Variants in PCDHGB1 observed in about 807,000 individuals in gnomAD.
The protein encoded by PCDHGB1 is protocadherin gamma subfamily B, 1, also known as protocadherin gamma-B1.
In PCDHGB1, 34 loss-of-function variants were observed where a neutral mutation model predicts 56.6. That is an observed-to-expected ratio of 0.60 (90% confidence interval 0.46 to 0.80). The LOEUF (loss-of-function observed/expected upper bound fraction) is 0.80, where lower values mean the gene tolerates loss of function less well. Among genes scored for constraint, PCDHGB1 ranks in the 30% least tolerant of loss-of-function variants. The pLI, the probability that PCDHGB1 is intolerant of heterozygous loss-of-function variation, is 0.00. For missense variants in PCDHGB1, 1,278 were observed against 1,204.6 expected, an observed-to-expected ratio of 1.06 and a Z score of -0.90; for synonymous variants, 561 against 505.9, an observed-to-expected ratio of 1.11 and a Z score of -1.46.
intron 1 of PCDHGB1, chr5:141,388,246 TGGA>T: frequency 6.2e-7 from 1 of 1,609,740 alleles, no homozygotes; most frequent in East Asian, 2.2e-5. Context: ...CACGTGAATG[TGGA>T]GATCGAGGAC....
intron 1 of PCDHGB1, among the ~76,000 whole-genome samples, chr5:141,446,777 C>CTT (rs1480571336): frequency 1.3e-5 from 2 of 152,072 alleles, no homozygotes; most frequent in Non-Finnish European, 2.9e-5. Flanking sequence ...GGTTACCATT[C>CTT]TTTTACTCTG....
intron 1 of PCDHGB1, chr5:141,428,255 G>A (rs2097128504): frequency 1.1e-6 from 1 of 875,462 alleles, no homozygotes; most frequent in Non-Finnish European, 1.8e-6. Context: ...CCAGACTTCA[G>A]TGACAGTCCT....
chr5:141,424,319 G>A (rs1014361496), intron 1 of PCDHGB1: 1 of 152,006 alleles, frequency 6.6e-6, no homozygotes, highest in African/African-American at 2.4e-5. Context: ...ATATTGACTG[G>A]CTTTTAACTA....
rs752155536 is a variant in PCDHGB1, at chr5:141,477,181, C to T, written c.2410-17626C>T. The T allele has an allele frequency of 2.5e-6, 4 of 1,614,182 alleles. No individual in the cohort carries two copies. In the Admixed American group the frequency reaches 6.7e-5, roughly 27 times the overall value. ...ACAACGCCCCGGAGATCACAGTCACCTCCGTGTACAGCCCAGTACCCGAGG... is the reference window on the plus strand; with the variant it reads ...ACAACGCCCCGGAGATCACAGTCACTTCCGTGTACAGCCCAGTACCCGAGG... On this transcript the variant is annotated intron_variant, in intron 1 of 3. Transcript: ENST00000523390. This position sits in a 1 kb window ranked among gnomAD's most constrained non-coding sequence, Gnocchi z 4.9.
chr5:141,501,290 T>C lies in PCDHGB1; in HGVS notation c.2469-4103T>C, dbSNP rs796726601. Among the ~76,000 whole-genome samples, 19 of 136,248 alleles carry C rather than the reference T, an allele frequency of 1.4e-4. No individual in the cohort carries two copies. The South Asian group carries it at 2.4e-3, about 17-fold the overall frequency. 89.4% of individuals were successfully genotyped at this position (136,248 alleles called of 152,430 possible). ...GTCCAGTCTATGGGATATTCCCTTA[T>C]ACACACACACACACACACACACACA... On this transcript the variant is annotated intron_variant, in intron 2 of 3. Coordinates refer to ENST00000523390, the MANE Select transcript of PCDHGB1 (RefSeq NM_018922.3).
chr5:141,419,276 C>G (rs1361651445), intron 1 of PCDHGB1: 1 of 1,613,920 alleles, frequency 6.2e-7, no homozygotes, highest in African/African-American at 1.3e-5. Flanking sequence ...CTCCATAGCG[C>G]AAGTCAGTGC....
intron 1 of PCDHGB1, chr5:141,372,728 A>G (rs1769012432): frequency 1.2e-6 from 2 of 1,613,562 alleles, no homozygotes; most frequent in African/African-American, 2.7e-5. Flanking sequence ...CTGCACCACA[A>G]GATCTTCTAT....
Position 141,360,552 on chromosome 5 carries a change from T to C in PCDHGB1, c.2409+7883T>C, listed in dbSNP as rs373703966. 24 of 1,613,850 alleles carry C rather than the reference T, an allele frequency of 1.5e-5. No individual in the cohort carries two copies. In the African/African-American group the frequency reaches 2.8e-4, roughly 19 times the overall value. Reference sequence around the variant, plus strand: ...CGCTATTCAAACAGACTAAGATTAATTTAAAAATTGGCGAATCCACTAAGC... The same window carrying C: ...CGCTATTCAAACAGACTAAGATTAACTTAAAAATTGGCGAATCCACTAAGC... On this transcript the variant is annotated intron_variant, in intron 1 of 3. Transcript: ENST00000523390.
At chr5:141,364,258 C>T (rs1763242096) in intron 1 of PCDHGB1, 2 of 1,497,150 alleles carry the variant, frequency 1.3e-6, no homozygotes, top group Non-Finnish European at 1.8e-6. Flanking sequence ...GAATATGTAC[C>T]CATCGGCTTT....
At chr5:141,451,653 G>A (rs1440576814) in intron 1 of PCDHGB1, among the ~76,000 whole-genome samples, 2 of 152,166 alleles carry the variant, frequency 1.3e-5, no homozygotes, top group Non-Finnish European at 2.9e-5. Context: ...AGGCCAAGGA[G>A]GGTGGACTGC....
chr5:141,432,622 G>A lies in PCDHGB1; in HGVS notation c.2410-62185G>A. 6.2e-7 allele frequency: 1 copy of A among 1,612,776 alleles called. No individual in the cohort carries two copies. The stretch of plus-strand genomic sequence containing the variant: ...AGCCGGGACTCTTCTCGGTGGGTCT[G>A]CACACGGGCGAGGTGCGCACGGCGC... On this transcript the variant is annotated intron_variant, in intron 1 of 3. Transcript: ENST00000523390. This position sits in a 1 kb window ranked among gnomAD's most constrained non-coding sequence, Gnocchi z 6.0.
intron 1 of PCDHGB1, among the ~76,000 whole-genome samples, chr5:141,429,759 C>T (rs1233949322): frequency 6.6e-6 from 1 of 151,946 alleles, no homozygotes; most frequent in East Asian, 1.9e-4. Flanking sequence ...GAATTTTTTC[C>T]CTATATTTTG....
Position 141,413,696 on chromosome 5 carries a change from A to G in PCDHGB1, c.2409+61027A>G, listed in dbSNP as rs753150251. On this transcript the variant is annotated intron_variant, in intron 1 of 3. Coordinates refer to ENST00000523390, the MANE Select transcript of PCDHGB1 (RefSeq NM_018922.3). ...GTGGGCGTGAACTCCCTGCAGAGCTATCAGCTCAGCCCCAATAAGCACTTC... is the reference window on the plus strand; with the variant it reads ...GTGGGCGTGAACTCCCTGCAGAGCTGTCAGCTCAGCCCCAATAAGCACTTC... 3.1e-6 allele frequency: 5 copies of G among 1,613,522 alleles called. No homozygotes were observed. In the Admixed American group the frequency reaches 6.7e-5, roughly 22 times the overall value.
intron 1 of PCDHGB1, among the ~76,000 whole-genome samples, chr5:141,474,165 A>G (rs1444314307): frequency 6.6e-6 from 1 of 152,234 alleles, no homozygotes; most frequent in Non-Finnish European, 1.5e-5. Context: ...GACAGGCCTT[A>G]TTATTGAGAA....
intron 1 of PCDHGB1, chr5:141,403,288 CAG>C: frequency 6.2e-7 from 1 of 1,613,878 alleles, no homozygotes; most frequent in Admixed American, 1.7e-5. Context: ...TGGTTGAAGA[CAG>C]AGTGAAACTG....
At chr5:141,356,949 T>C in intron 1 of PCDHGB1, 1 of 1,614,204 alleles carries the variant, frequency 6.2e-7, no homozygotes, top group Non-Finnish European at 8.5e-7. Context: ...GCTCCGCAGA[T>C]TCCGGCTACC....
In PCDHGB1 at chr5:141,394,482, G is replaced by T. The variant is rs751618237; in HGVS notation, c.2409+41813G>T. On this transcript the variant is annotated intron_variant, in intron 1 of 3. Coordinates refer to ENST00000523390, the MANE Select transcript of PCDHGB1 (RefSeq NM_018922.3). ...GAGCCTGTTCGTGCTGGACCAGAAT[G>T]ACAACGCGCCCGAGATCCTGTACCC... 8 of 1,614,122 alleles carry T rather than the reference G, an allele frequency of 5.0e-6. No homozygotes were observed. The African/African-American group carries it at 1.1e-4, about 22-fold the overall frequency.
chr5:141,410,080 G>A (rs758499736), intron 1 of PCDHGB1: 2 of 1,612,672 alleles, frequency 1.2e-6, no homozygotes, highest in African/African-American at 2.7e-5. Context: ...CTGGGGAGGT[G>A]CGCACGGCTC....
chr5:141,403,220 A>G (rs1340190547), intron 1 of PCDHGB1: 1 of 1,613,824 alleles, frequency 6.2e-7, no homozygotes, highest in Non-Finnish European at 8.5e-7. Context: ...CGCGGGTAGG[A>G]TAGACCGGGA....
Sources: allele counts gnomAD v4.1 joint callset (sites outside exome capture counted in the v4.1 genomes callset), GRCh38; gene constraint gnomAD v4.1.1; non-coding constraint Gnocchi (gnomAD v3.1); transcripts MANE v1.5; gene names NCBI Gene and HGNC (gene_info 2026-07-23, HGNC 2026-07-21).